Variants in GRM1 observed in about 807,000 individuals in gnomAD.
GRM1 encodes glutamate metabotropic receptor 1, also known as metabotropic glutamate receptor 1.
In GRM1, 33 loss-of-function variants were observed where a neutral mutation model predicts 90.9. That is an observed-to-expected ratio of 0.36 (90% confidence interval 0.28 to 0.49). GRM1 has a LOEUF of 0.49. GRM1 is among the 20% of genes least tolerant of loss of function. The pLI is 0.99. For synonymous variants in GRM1, 700 were observed against 613.2 expected (o/e 1.14, Z -2.09); for missense variants, 1,190 against 1,534.3 (o/e 0.78, Z 3.75).
chr6:146,344,706 T>G (rs1386887343), intron 3 of GRM1, among the ~76,000 whole-genome samples: 1 of 152,208 alleles, frequency 6.6e-6, no homozygotes, highest in African/African-American at 2.4e-5. Flanking sequence ...AGACAGAGTG[T>G]CATTATTTAA....
chr6:146,090,671 G>A (rs1007158579), intron 1 of GRM1, among the ~76,000 whole-genome samples: 22 of 152,130 alleles, frequency 1.4e-4, no homozygotes, highest in Admixed American at 9.2e-4. Context: ...GACTATGATT[G>A]CTAAGCCCCA....
intron 2 of GRM1, among the ~76,000 whole-genome samples, chr6:146,185,058 C>A (rs566839726): frequency 6.6e-6 from 1 of 152,112 alleles, no homozygotes; most frequent in African/African-American, 2.4e-5. Flanking sequence ...TATTTCCATG[C>A]GCACAATACA....
intron 2 of GRM1, among the ~76,000 whole-genome samples, chr6:146,289,617 C>T (rs1387015172): frequency 6.6e-6 from 1 of 152,204 alleles, no homozygotes. Context: ...ACTCACCACT[C>T]ACTCATTGTC....
intron 5 of GRM1, among the ~76,000 whole-genome samples, chr6:146,381,109 T>C (rs1776302850): frequency 6.6e-6 from 1 of 152,154 alleles, no homozygotes. Context: ...GATGCCAGCG[T>C]TCCCTTAGCT....
At chr6:146,144,079 G>A (rs1776999350) in intron 1 of GRM1, among the ~76,000 whole-genome samples, 1 of 152,168 alleles carries the variant, frequency 6.6e-6, no homozygotes, top group Non-Finnish European at 1.5e-5. Flanking sequence ...TCACTGTTAT[G>A]GAGCCTGGGG....
At chr6:146,372,333 A>C (rs1021656447) in intron 5 of GRM1, among the ~76,000 whole-genome samples, 8 of 151,922 alleles carry the variant, frequency 5.3e-5, no homozygotes, top group Non-Finnish European at 8.8e-5. Flanking sequence ...CTATAGAGTT[A>C]TTTGAGCTCC....
chr6:146,352,502 C>T lies in GRM1; in HGVS notation c.1433+6C>T. The T allele has an allele frequency of 6.2e-7, 1 of 1,613,244 alleles. No individual in the cohort carries two copies. Among genetic ancestry groups the T allele is most frequent in the Non-Finnish European group, 8.5e-7 (1 of 1,179,560 alleles). ...AAAGGAGACGCTCCTGGAAGGTAAT[C>T]TTTTCAGTAATCAATCTAAGTAACC... On this transcript the variant is annotated splice_donor_region_variant and intron_variant, in intron 4 of 7. Coordinates refer to ENST00000282753, the MANE Select transcript of GRM1 (RefSeq NM_001278064.2).
At chr6:146,212,251 T>C (rs1318668112) in intron 2 of GRM1, among the ~76,000 whole-genome samples, 2 of 152,228 alleles carry the variant, frequency 1.3e-5, no homozygotes, top group Non-Finnish European at 2.9e-5. Flanking sequence ...CCTAGCTAAG[T>C]TGACACATCT....
intron 1 of GRM1, among the ~76,000 whole-genome samples, chr6:146,095,714 G>T (rs928280798): frequency 2.0e-5 from 3 of 152,084 alleles, no homozygotes; most frequent in African/African-American, 7.2e-5. Context: ...CAATAAATGT[G>T]TTGGATGAAT....
chr6:146,029,835 G>T lies in GRM1; in HGVS notation c.318G>T (p.Arg106=). ...ACATCACCCTGGGCAGTGAGATCCG[G>T]GACTCCTGCTGGCACTCTTCCGTGG... is the stretch of plus-strand genomic sequence containing the variant. ...LPNITLGSEI[R]DSCWHSSVAL... The change falls in exon 1 of 8, where the codon CGG becomes CGT. Residue 106 remains arginine, a synonymous_variant. Coordinates refer to ENST00000282753, the MANE Select transcript of GRM1 (RefSeq NM_001278064.2). 2 of 1,614,120 alleles carry T rather than the reference G, an allele frequency of 1.2e-6. No individual in the cohort carries two copies. Among genetic ancestry groups the T allele is most frequent in the Non-Finnish European group, 1.7e-6 (2 of 1,180,006 alleles).
intron 2 of GRM1, among the ~76,000 whole-genome samples, chr6:146,257,186 G>A (rs183189675): frequency 3.6e-4 from 55 of 152,184 alleles, no homozygotes; most frequent in African/African-American, 1.3e-3. Context: ...CTTACGGCAT[G>A]TAGACACATA....
intron 3 of GRM1, among the ~76,000 whole-genome samples, chr6:146,350,132 G>A (rs1785347138): frequency 6.6e-6 from 1 of 152,222 alleles, no homozygotes; most frequent in South Asian, 2.1e-4. Context: ...AACAGTTCCT[G>A]TCTCAGTGCT....
chr6:146,057,217 A>C (rs1487279861), intron 1 of GRM1, among the ~76,000 whole-genome samples: 1 of 152,116 alleles, frequency 6.6e-6, no homozygotes, highest in Non-Finnish European at 1.5e-5. Context: ...TCTGTGACAC[A>C]ATTCCTTGGA....
chr6:146,203,223 A>G lies in GRM1; in HGVS notation c.950+43626A>G, dbSNP rs556155471. ...AATAAATAAATAAATAAATAAATAA[A>G]TAAATAAATAAATAAATAAATCCCT... On this transcript the variant is annotated intron_variant, in intron 2 of 7. Coordinates refer to ENST00000282753, the MANE Select transcript of GRM1 (RefSeq NM_001278064.2). 2.9e-3 allele frequency among the ~76,000 whole-genome samples: 447 copies of G among 151,680 alleles called. 3 individuals are homozygous for G. Among genetic ancestry groups the G allele is most frequent in the Admixed American group, 5.7e-3 (87 of 15,222 alleles).
chr6:146,338,141 A>G (rs895566660), intron 3 of GRM1, among the ~76,000 whole-genome samples: 2 of 152,230 alleles, frequency 1.3e-5, no homozygotes, highest in Non-Finnish European at 2.9e-5. Context: ...AAAAATAAAA[A>G]CTTCCTATAT....
intron 1 of GRM1, among the ~76,000 whole-genome samples, chr6:146,049,673 A>C (rs896138154): frequency 2.7e-5 from 4 of 150,510 alleles, no homozygotes; most frequent in Admixed American, 2.6e-4. Context: ...CTATCTATCT[A>C]TCTATCTATC....
intron 2 of GRM1, among the ~76,000 whole-genome samples, chr6:146,270,912 T>TTCCTTCCTTCCTTC (rs1782120716): frequency 2.3e-5 from 2 of 86,864 alleles, no homozygotes; most frequent in African/African-American, 1.1e-4. Flanking sequence ...TTTCTTTCTT[T>TTCCTTCCTTCCTTC]CTTCCTTCCT....
At chr6:146,154,313 C>T (rs988837770) in intron 1 of GRM1, among the ~76,000 whole-genome samples, 1 of 152,174 alleles carries the variant, frequency 6.6e-6, no homozygotes, top group African/African-American at 2.4e-5. Flanking sequence ...TTGCAGATTC[C>T]TGAACCTGCA....
intron 2 of GRM1, among the ~76,000 whole-genome samples, chr6:146,295,404 G>A (rs1228631703): frequency 7.7e-6 from 1 of 129,546 alleles, no homozygotes; most frequent in African/African-American, 2.8e-5. Flanking sequence ...TTTTTTTTTT[G>A]TAGTTTTTAG....
Sources: gnomAD v4.1 joint callset for allele counts (sites outside exome capture counted in the v4.1 genomes callset) on GRCh38, gnomAD v4.1.1 for gene constraint, MANE v1.5 for transcripts, NCBI Gene and HGNC (gene_info 2026-07-23, HGNC 2026-07-21) for gene names.